The following DLG2 variants were observed in gnomAD, a reference collection of about 807,000 sequenced individuals.
The protein encoded by DLG2 is disks large homolog 2.
In DLG2, 45 loss-of-function variants were observed where a neutral mutation model predicts 132.5. That is an observed-to-expected ratio of 0.34 (90% CI 0.27 to 0.44). The LOEUF is 0.44. DLG2 is among the 20% of genes least tolerant of loss of function. DLG2 has a pLI of 1.00. For missense variants in DLG2, 1,045 were observed against 1,196.9 expected (o/e 0.87, Z 1.87); for synonymous variants, 424 against 419.6 (o/e 1.01, Z -0.13).
chr11:84,633,810 C>A (rs975465309), intron 6 of DLG2, among the ~76,000 whole-genome samples: 5 of 152,086 alleles, frequency 3.3e-5, no homozygotes, highest in African/African-American at 7.2e-5. Flanking sequence ...ACCAATCACA[C>A]ACACTGGCCT....
At chr11:85,237,874 G>T (rs564266583) in intron 4 of DLG2, among the ~76,000 whole-genome samples, 34 of 152,088 alleles carry the variant, frequency 2.2e-4, no homozygotes, top group African/African-American at 7.9e-4. Context: ...ACTGGCAGTT[G>T]GTGTTCATCT....
At chr11:84,146,762 T>C (rs2095099838) in intron 9 of DLG2, among the ~76,000 whole-genome samples, 1 of 152,082 alleles carries the variant, frequency 6.6e-6, no homozygotes. Context: ...TACCTAGATA[T>C]AAGAGGAATT....
At chr11:85,214,120 C>G (rs1477435192) in intron 4 of DLG2, among the ~76,000 whole-genome samples, 1 of 152,172 alleles carries the variant, frequency 6.6e-6, no homozygotes, top group African/African-American at 2.4e-5. Flanking sequence ...TTCACTCCTA[C>G]CATGTCCCGT....
At chr11:83,940,012 T>C (rs1022582965) in intron 14 of DLG2, among the ~76,000 whole-genome samples, 1 of 152,226 alleles carries the variant, frequency 6.6e-6, no homozygotes, top group African/African-American at 2.4e-5. Flanking sequence ...TTCCCTCTGT[T>C]TCATGCAGCT....
intron 4 of DLG2, among the ~76,000 whole-genome samples, chr11:85,162,801 A>G (rs1031495424): frequency 1.3e-5 from 2 of 152,174 alleles, no homozygotes; most frequent in African/African-American, 4.8e-5. Context: ...CGTGGGTTCA[A>G]GTTGACAAGG....
chr11:84,012,079 C>A (rs1319337834), intron 11 of DLG2, among the ~76,000 whole-genome samples: 1 of 151,976 alleles, frequency 6.6e-6, no homozygotes. Flanking sequence ...TAGAAAATAA[C>A]AAAACAGATT....
intron 27 of DLG2, among the ~76,000 whole-genome samples, chr11:83,460,716 G>T (rs938024887): frequency 2.0e-5 from 3 of 152,072 alleles, no homozygotes; most frequent in Non-Finnish European, 4.4e-5. Flanking sequence ...AATTACTACT[G>T]AAAGATGATT....
intron 3 of DLG2, among the ~76,000 whole-genome samples, chr11:85,519,602 G>A (rs994281545): frequency 2.6e-5 from 4 of 152,158 alleles, no homozygotes. Context: ...TTTGGACTGT[G>A]GACTTCCGTT....
At chr11:83,768,591 T>C (rs1050529604) in intron 18 of DLG2, among the ~76,000 whole-genome samples, 1 of 152,228 alleles carries the variant, frequency 6.6e-6, no homozygotes, top group Non-Finnish European at 1.5e-5. Flanking sequence ...AGTTGGTGTA[T>C]ATTTTATTAA....
In DLG2 at chr11:83,749,232, C is replaced by T. The variant is rs146124559; in HGVS notation, c.1825+37458G>A. Reference sequence around the variant, plus strand: ...CAGGTCACAGTTGCCAGAGAGGCAACCTTTTTGCCTTTCTTTTTGAAGATG... The same window carrying T: ...CAGGTCACAGTTGCCAGAGAGGCAATCTTTTTGCCTTTCTTTTTGAAGATG... On this transcript the variant is annotated intron_variant, in intron 18 of 27. Coordinates refer to ENST00000376104, the MANE Select transcript of DLG2 (RefSeq NM_001142699.3). Among the ~76,000 whole-genome samples the T allele has an allele frequency of 1.8e-4, 27 of 152,284 alleles. No homozygotes were observed. In the East Asian group the frequency reaches 5.0e-3, roughly 28 times the overall value.
intron 10 of DLG2, among the ~76,000 whole-genome samples, chr11:84,070,602 T>A (rs544278670): frequency 2.0e-5 from 3 of 152,328 alleles, no homozygotes; most frequent in African/African-American, 7.2e-5. Context: ...GAATTCATAA[T>A]TGTACATTTT....
At chr11:84,152,370 C>G (rs1464411373) in intron 9 of DLG2, among the ~76,000 whole-genome samples, 1 of 150,424 alleles carries the variant, frequency 6.6e-6, no homozygotes, top group African/African-American at 2.4e-5. Flanking sequence ...GAATACTGTC[C>G]TCTGCTCTTT....
At chr11:85,562,318 A>G (rs2077298458) in intron 3 of DLG2, among the ~76,000 whole-genome samples, 1 of 151,862 alleles carries the variant, frequency 6.6e-6, no homozygotes, top group Non-Finnish European at 1.5e-5. Flanking sequence ...TTATTATTTA[A>G]TTTAGAGCTA....
intron 6 of DLG2, among the ~76,000 whole-genome samples, chr11:84,537,127 C>T (rs897597576): frequency 1.5e-4 from 23 of 151,934 alleles, no homozygotes; most frequent in African/African-American, 4.6e-4. Context: ...TTTTATGAGA[C>T]GGACTCCAGC....
intron 6 of DLG2, among the ~76,000 whole-genome samples, chr11:84,592,886 AG>A (rs1331504023): frequency 7.2e-6 from 1 of 139,288 alleles, no homozygotes; most frequent in Non-Finnish European, 1.5e-5. Context: ...TCACAAGGTC[AG>A]GAGAGCAAGA....
At chr11:85,109,154 A>T (rs576428806) in intron 6 of DLG2, among the ~76,000 whole-genome samples, 2 of 152,202 alleles carry the variant, frequency 1.3e-5, no homozygotes, top group South Asian at 4.1e-4. Flanking sequence ...TCTAAACATG[A>T]CCATCGGGAG....
At chr11:85,351,602 T>TGA (rs2083293327) in intron 3 of DLG2, among the ~76,000 whole-genome samples, 2 of 151,898 alleles carry the variant, frequency 1.3e-5, no homozygotes, top group Admixed American at 1.3e-4. Flanking sequence ...CCTAGTTTAT[T>TGA]GAGTTTTTAG....
intron 6 of DLG2, among the ~76,000 whole-genome samples, chr11:84,654,292 A>G (rs2099685542): frequency 6.6e-6 from 1 of 152,164 alleles, no homozygotes; most frequent in Non-Finnish European, 1.5e-5. Context: ...CTTCTCACTT[A>G]TTATAAACTC....
chr11:84,517,003 TA>T (rs1250342891), intron 7 of DLG2, among the ~76,000 whole-genome samples: 8 of 64,080 alleles, frequency 1.2e-4, no homozygotes, highest in African/African-American at 1.9e-4. Context: ...AAAAAAAGGA[TA>T]AAAGTAAAAA....
Sources: allele counts gnomAD v4.1 joint callset (sites outside exome capture counted in the v4.1 genomes callset), GRCh38; gene constraint gnomAD v4.1.1; transcripts MANE v1.5; gene names NCBI Gene and HGNC (gene_info 2026-07-23, HGNC 2026-07-21).